TTF2: variants seen among roughly 807,000 people sequenced by gnomAD.
TTF2 encodes RNA polymerase II termination factor.
TTF2 carries 108 observed loss-of-function variants against 142.4 expected under a neutral mutation model. The ratio of observed to expected loss-of-function variants is 0.76; its 90% CI spans 0.65 to 0.89. The LOEUF (loss-of-function observed/expected upper bound fraction) is 0.89. Ranked by LOEUF, TTF2 falls within the 40% of genes least tolerant of loss-of-function variation. TTF2 has a pLI of 0.00. For synonymous variants in TTF2, 483 were observed against 506.2 expected (o/e 0.95, Z 0.61); for missense variants, 1,327 against 1,379.8 (o/e 0.96, Z 0.61).
intron 2 of TTF2, 102 bp from the exon 3 acceptor site, chr1:117,062,285 A>G: frequency 9.9e-7 from 1 of 1,012,938 alleles, no homozygotes; most frequent in South Asian, 1.5e-5. Context: ...TAGAGGTTAT[A>G]CATAGATTCT....
intron 12 of TTF2, 125 bp from the exon 13 acceptor site, chr1:117,088,676 C>T (rs2101114809): frequency 1.0e-6 from 1 of 994,034 alleles, no homozygotes; most frequent in South Asian, 1.8e-5. Context: ...TTTCAGTGTA[C>T]CTGAGCTAAG....
rs1163947205 is a variant in TTF2, at chr1:117,080,924, A to G, written c.1784-904A>G. ...AAGCTCATTAGAGATTTAATGCCCA[A>G]GGTTTTTATTGGGGGCTGGTTACTT... On this transcript the variant is annotated intron_variant, in intron 9 of 22. Coordinates refer to ENST00000369466, the MANE Select transcript of TTF2 (RefSeq NM_003594.4). The surrounding 1 kb of genome is among the most constrained non-coding windows in gnomAD (Gnocchi z 4.3). Among the ~76,000 whole-genome samples the G allele has an allele frequency of 1.3e-5, 2 of 152,176 alleles. No individual in the cohort carries two copies. Among genetic ancestry groups the G allele is most frequent in the African/African-American group, 2.4e-5 (1 of 41,436 alleles).
In TTF2 at chr1:117,101,552, C is replaced by T. The variant is rs1271547828; in HGVS notation, c.*28C>T. The T allele has an allele frequency of 6.5e-7, 1 of 1,544,124 alleles. No homozygotes were observed. The highest frequency in any genetic ancestry group is 8.7e-7 in the Non-Finnish European group (1 of 1,153,630). Reference sequence around the variant, plus strand: ...TCCTGTGGATAAGGGCTCAGAATAGCACCATTGCTGGTTTGTATTAGGATC... The same window carrying T: ...TCCTGTGGATAAGGGCTCAGAATAGTACCATTGCTGGTTTGTATTAGGATC... On this transcript the variant is annotated 3_prime_UTR_variant, in exon 23 of 23. Transcript: ENST00000369466. This position sits in a 1 kb window ranked among gnomAD's most constrained non-coding sequence, Gnocchi z 5.9.
At position 117,084,125 on chromosome 1, in the gene TTF2, GTC is replaced by G; in HGVS notation, c.2013_2014del (p.Tyr672SerfsTer18). ...EKRVNSNKLR[V>X]YLYHGPNRDS... The stretch of plus-strand genomic sequence containing the variant: ...ACGGGTGAACAGCAACAAACTAAGA[GTC>G]TATCTCTACCATGGGCCAAACCGGG... On this transcript the variant is annotated frameshift_variant, in exon 11 of 23. Transcript: ENST00000369466. LOFTEE classifies it high-confidence loss of function. The G allele has an allele frequency of 1.9e-6, 3 of 1,614,154 alleles. No individual in the cohort carries two copies. The highest frequency in any genetic ancestry group is 2.5e-6 in the Non-Finnish European group (3 of 1,180,046).
At chr1:117,077,442 C>T (rs779732828) in intron 7 of TTF2, among the ~76,000 whole-genome samples, 18 of 152,122 alleles carry the variant, frequency 1.2e-4, no homozygotes, top group Non-Finnish European at 2.5e-4. Context: ...AACTCTAGCT[C>T]GCATCATTAT....
Position 117,077,988 on chromosome 1 carries a change from C to T in TTF2, c.1646C>T (p.Ser549Leu), listed in dbSNP as rs931137038. 45 of 1,614,074 alleles carry T rather than the reference C, an allele frequency of 2.8e-5. No individual in the cohort carries two copies. The highest frequency in any genetic ancestry group is 3.5e-5 in the Non-Finnish European group (41 of 1,180,040). Residue 549 changes from serine to leucine, a missense_variant, in exon 8 of 23, where the codon TCA becomes TTA. Transcript: ENST00000369466. ...GAAGCCATCGGTCAACTGCATCGCT[C>T]ACTTGAGTCATGTCCTGGTGAGACG... ...TSEAIGQLHR[S>L]LESCPGETVV...
chr1:117,070,133 T>C lies in TTF2; in HGVS notation c.219-3528T>C, dbSNP rs1012143870. ...CATTTTTAGCACTGTGCCTAGCACA[T>C]AGCAGATGTTCAGTGTGTTTCTTTC... On this transcript the variant is annotated intron_variant, in intron 3 of 22. Coordinates refer to ENST00000369466, the MANE Select transcript of TTF2 (RefSeq NM_003594.4). The surrounding 1 kb of genome is among the most constrained non-coding windows in gnomAD (Gnocchi z 4.2). 1.3e-5 allele frequency among the ~76,000 whole-genome samples: 2 copies of C among 152,254 alleles called. No homozygotes were observed. The highest frequency in any genetic ancestry group is 6.5e-5 in the Admixed American group (1 of 15,288).
chr1:117,075,444 A>G lies in TTF2; in HGVS notation c.860A>G (p.Asn287Ser). The change falls in exon 5 of 23, where the codon AAC (asparagine) becomes AGC (serine). Residue 287 changes from asparagine to serine, a missense_variant. Transcript: ENST00000369466. The surrounding 1 kb of genome is among the most constrained non-coding windows in gnomAD (Gnocchi z 4.5). Reference protein sequence around the residue: ...KGGPLNKEYTNWEAKETKAKD... With the variant: ...KGGPLNKEYTSWEAKETKAKD... ...GGACCCCTCAACAAGGAGTACACGA[A>G]CTGGGAGGCTAAAGAAACAAAGGCA... The G allele has an allele frequency of 6.2e-7, 1 of 1,614,142 alleles. No individual in the cohort carries two copies. The highest frequency in any genetic ancestry group is 8.5e-7 in the Non-Finnish European group (1 of 1,179,986).
rs60581269 is a variant in TTF2, at chr1:117,090,358, C to G, written c.2496+150C>G. The G allele has an allele frequency of 8.1e-7, 1 of 1,233,014 alleles. No individual in the cohort carries two copies. The highest frequency in any genetic ancestry group is 1.1e-6 in the Non-Finnish European group (1 of 879,360). The allele number at this position is 1,233,014 out of a possible 1,614,324, so 76.4% of individuals were successfully genotyped here. On this transcript the variant is annotated intron_variant, in intron 14 of 22. Coordinates refer to ENST00000369466, the MANE Select transcript of TTF2 (RefSeq NM_003594.4). The surrounding 1 kb of genome is among the most constrained non-coding windows in gnomAD (Gnocchi z 4.8). ...AGGCCCCAGGGTTGCAGTTCCATGC[C>G]TAGTGTCATAGCAATCCAGTTGTAC...
chr1:117,075,680 C>G lies in TTF2; in HGVS notation c.1096C>G (p.Pro366Ala). 6.2e-7 allele frequency: 1 copy of G among 1,614,154 alleles called. No homozygotes were observed. Residue 366 changes from proline (P) to alanine (A), a missense_variant, in exon 5 of 23, where the codon CCT (proline) becomes GCT (alanine). Coordinates refer to ENST00000369466, the MANE Select transcript of TTF2 (RefSeq NM_003594.4). The surrounding 1 kb of genome is among the most constrained non-coding windows in gnomAD (Gnocchi z 4.5). ...TGATGTTGTTTTTGTTTCCTCTAAG[C>G]CTGGGAGCCCCCTACTCTTTGACTC... ...EDDVVFVSSKPGSPLLFDSTL... is the reference protein window; with the variant it reads ...EDDVVFVSSKAGSPLLFDSTL...
Position 117,101,782 on chromosome 1 carries a change from A to G in TTF2, c.*258A>G, listed in dbSNP as rs1649605768. 3.1e-6 allele frequency: 1 copy of G among 320,024 alleles called. No homozygotes were observed. Among genetic ancestry groups the G allele is most frequent in the Non-Finnish European group, 5.6e-6 (1 of 179,060 alleles). 19.8% of individuals were successfully genotyped at this position (320,024 alleles called of 1,614,324 possible). A position where few individuals can be genotyped will look rare whatever the true frequency, so the allele number is the denominator to read the frequency against. ...CCAATTGATTTTTTTAGATAAAAGAATATGTTTTAGAGTTGGATGATTTTG... is the reference window on the plus strand; with the variant it reads ...CCAATTGATTTTTTTAGATAAAAGAGTATGTTTTAGAGTTGGATGATTTTG... On this transcript the variant is annotated 3_prime_UTR_variant, in exon 23 of 23. Transcript: ENST00000369466. The surrounding 1 kb of genome is among the most constrained non-coding windows in gnomAD (Gnocchi z 5.9).
chr1:117,094,559 C>G (rs770337666), intron 18 of TTF2: 49 of 468,358 alleles, frequency 1.0e-4, no homozygotes, highest in Non-Finnish European at 1.8e-4. Context: ...ACAATGGTTC[C>G]TCCGTCTGGA....
Position 117,097,288 on chromosome 1 carries a change from TGAGACCGAGATGTGTTAC to T in TTF2, c.3187-56_3187-39del, listed in dbSNP as rs1649232772. 2 of 1,448,248 alleles carry T rather than the reference TGAGACCGAGATGTGTTAC, an allele frequency of 1.4e-6. No individual in the cohort carries two copies. Among genetic ancestry groups the T allele is most frequent in the Non-Finnish European group, 1.9e-6 (2 of 1,029,320 alleles). The allele number at this position is 1,448,248 out of a possible 1,614,324, so 89.7% of individuals were successfully genotyped here. A position where few individuals can be genotyped will look rare whatever the true frequency, so the allele number is the denominator to read the frequency against. Reference sequence around the variant, plus strand: ...TCTGTATTGATTGTGGACTTAAACCTGAGACCGAGATGTGTTACGAGACCAAGTCTGTTTAAAGTTAAT... The same window carrying T: ...TCTGTATTGATTGTGGACTTAAACCTGAGACCAAGTCTGTTTAAAGTTAAT... On this transcript the variant is annotated intron_variant, in intron 20 of 22. Coordinates refer to ENST00000369466, the MANE Select transcript of TTF2 (RefSeq NM_003594.4). The surrounding 1 kb of genome is among the most constrained non-coding windows in gnomAD (Gnocchi z 4.1).
chr1:117,081,759 T>C, intron 9 of TTF2, 69 bp from the exon 10 acceptor site: 2 of 1,555,640 alleles, frequency 1.3e-6, no homozygotes, highest in South Asian at 2.5e-5. Context: ...CAGTGGTTTC[T>C]CCTCTTGAAC....
At chr1:117,091,484 G>T (rs1648571692) in intron 16 of TTF2, 74 bp downstream of exon 16, 2 of 1,444,176 alleles carry the variant, frequency 1.4e-6, no homozygotes, top group Admixed American at 2.1e-5. Context: ...ACACAGAAAT[G>T]TGAGGTTATG....
At chr1:117,064,586 T>G (rs1655939154) in intron 3 of TTF2, among the ~76,000 whole-genome samples, 2 of 152,186 alleles carry the variant, frequency 1.3e-5, no homozygotes, top group Admixed American at 1.3e-4. Flanking sequence ...GGTACAATCT[T>G]GGCTCACTGC....
Position 117,075,955 on chromosome 1 carries a change from A to C in TTF2, c.1275+96A>C. 1 of 1,484,466 alleles carries C rather than the reference A, an allele frequency of 6.7e-7. No homozygotes were observed. Among genetic ancestry groups the C allele is most frequent in the Non-Finnish European group, 8.9e-7 (1 of 1,117,760 alleles). 92.0% of individuals were successfully genotyped at this position (1,484,466 alleles called of 1,614,324 possible). A position where few individuals can be genotyped will look rare whatever the true frequency, so the allele number is the denominator to read the frequency against. ...TGCTACAGAAGGGTTAAATATGTTC[A>C]TGTGAAGGTTTTATAGGTGCATGTT... On this transcript the variant is annotated intron_variant, in intron 5 of 22. Transcript: ENST00000369466. This position sits in a 1 kb window ranked among gnomAD's most constrained non-coding sequence, Gnocchi z 4.5.
chr1:117,071,606 ATACTT>A (rs1289903953), intron 3 of TTF2, among the ~76,000 whole-genome samples: 15 of 148,106 alleles, frequency 1.0e-4, no homozygotes, highest in South Asian at 4.5e-4. Flanking sequence ...TATTGATTGA[ATACTT>A]TACCTATTTC....
intron 3 of TTF2, among the ~76,000 whole-genome samples, chr1:117,067,206 A>G (rs911006389): frequency 2.0e-5 from 3 of 152,192 alleles, no homozygotes; most frequent in Admixed American, 2.0e-4. Flanking sequence ...TCAGAGCACT[A>G]TTACTAGGAA....
Sources: allele counts gnomAD v4.1 joint callset (sites outside exome capture counted in the v4.1 genomes callset), GRCh38; gene constraint gnomAD v4.1.1; non-coding constraint Gnocchi (gnomAD v3.1); transcripts MANE v1.5; gene names NCBI Gene and HGNC (gene_info 2026-07-23, HGNC 2026-07-21).